PAX3: variants seen among roughly 807,000 people sequenced by gnomAD.
PAX3 encodes paired box 3.
Under a neutral mutation model 51.6 loss-of-function variants are expected in PAX3, and 14 were observed. That is an observed-to-expected ratio of 0.27 (90% CI 0.18 to 0.42). The LOEUF is 0.42. Among genes scored for constraint, PAX3 ranks in the 10% least tolerant of loss-of-function variants. The pLI is 1.00. For synonymous variants in PAX3, 280 were observed against 253.4 expected (o/e 1.11, Z -1.00); for missense variants, 540 against 642.8 (o/e 0.84, Z 1.73).
intron 4 of PAX3, among the ~76,000 whole-genome samples, chr2:222,279,988 A>C (rs1359213815): frequency 6.6e-6 from 1 of 152,156 alleles, no homozygotes; most frequent in Non-Finnish European, 1.5e-5. Flanking sequence ...AGGTGGGTGG[A>C]TCACCTGATG....
chr2:222,207,043 G>GT (rs1219560659), intron 7 of PAX3, among the ~76,000 whole-genome samples: 1 of 151,980 alleles, frequency 6.6e-6, no homozygotes. Flanking sequence ...GACATAAAGA[G>GT]TTTTTTTATT....
At chr2:222,293,632 C>T in intron 4 of PAX3, 2 of 1,613,600 alleles carry the variant, frequency 1.2e-6, no homozygotes, top group South Asian at 2.2e-5. Flanking sequence ...CAAATCAAAC[C>T]AGTCAACACA....
intron 1 of PAX3, chr2:222,298,106 CAA>C (rs3835977): frequency 3.3e-3 from 543 of 162,850 alleles, no homozygotes; most frequent in Middle Eastern, 0.012. Flanking sequence ...CTTTGCAGGG[CAA>C]AAAAAAAAAA....
At chr2:222,291,379 A>C (rs1010985706) in intron 4 of PAX3, among the ~76,000 whole-genome samples, 1 of 152,158 alleles carries the variant, frequency 6.6e-6, no homozygotes, top group Non-Finnish European at 1.5e-5. Flanking sequence ...AGGGTGCATC[A>C]TGCTTAGCGC....
intron 4 of PAX3, among the ~76,000 whole-genome samples, chr2:222,268,757 TC>T: frequency 6.6e-6 from 1 of 152,286 alleles, no homozygotes. Context: ...TAAGAGTTGT[TC>T]CAGGAGAGAT....
At position 222,282,018 on chromosome 2, in the gene PAX3, G is replaced by C. The variant is rs564021091; in HGVS notation, c.586+12149C>G. On this transcript the variant is annotated intron_variant, in intron 4 of 8. Coordinates refer to ENST00000392070, the MANE Select transcript of PAX3 (RefSeq NM_181458.4). ...CATTCCGGGCCTGGCAGCAAGAACA[G>C]TCAAGAAAGAAGACGTGTTTTTGGT... Among the ~76,000 whole-genome samples, 30 of 152,306 alleles carry C rather than the reference G, an allele frequency of 2.0e-4. 1 individual carries two copies. In the East Asian group the frequency reaches 5.4e-3, roughly 27 times the overall value.
In PAX3 at chr2:222,200,918, G is replaced by A; in HGVS notation, c.*490C>T. ...TTCCTCCATTCTTGCTTCATGAAAT[G>A]AGCAGTTTTAAAGTTGTAGAAGTAT... On this transcript the variant is annotated 3_prime_UTR_variant, in exon 9 of 9. Coordinates refer to ENST00000392070, the MANE Select transcript of PAX3 (RefSeq NM_181458.4). 2 of 534,628 alleles carry A rather than the reference G, an allele frequency of 3.7e-6. No individual in the cohort carries two copies. Among genetic ancestry groups the A allele is most frequent in the South Asian group, 2.3e-5 (1 of 42,604 alleles). The allele number at this position is 534,628 out of a possible 1,614,324, so 33.1% of individuals were successfully genotyped here. A position where few individuals can be genotyped will look rare whatever the true frequency, so the allele number is the denominator to read the frequency against.
intron 7 of PAX3, among the ~76,000 whole-genome samples, chr2:222,208,594 G>A (rs1306777771): frequency 6.6e-6 from 1 of 152,078 alleles, no homozygotes; most frequent in African/African-American, 2.4e-5. Flanking sequence ...TTTCTGGGAG[G>A]AATGACATTA....
chr2:222,236,488 T>C (rs529706055), intron 4 of PAX3, among the ~76,000 whole-genome samples: 4 of 152,294 alleles, frequency 2.6e-5, no homozygotes, highest in African/African-American at 7.2e-5. Flanking sequence ...TTTTACATAC[T>C]CAGTTTTACT....
intron 2 of PAX3, 82 bp from the exon 3 acceptor site, chr2:222,295,739 G>C: frequency 2.7e-6 from 4 of 1,491,148 alleles, no homozygotes; most frequent in African/African-American, 1.4e-5. Flanking sequence ...TGGGCCTGTC[G>C]GGATGCTCCT....
At chr2:222,280,679 A>G (rs1694615732) in intron 4 of PAX3, among the ~76,000 whole-genome samples, 1 of 152,168 alleles carries the variant, frequency 6.6e-6, no homozygotes, top group East Asian at 1.9e-4. Flanking sequence ...ACCAGCTGAT[A>G]CTTTCCATAG....
rs2106034174 is a variant in PAX3, at chr2:222,202,179, G to A, written c.1185C>T (p.Leu395=). ...GAGGTACCCCACCGTGGTTGGTCAG[G>A]AGTCCCATTACCTAAAAAAACAGCC... ...GNGLSPQVMG[L]LTNHGGVPHQ... Residue 395 remains leucine (L), a synonymous_variant, in exon 8 of 9, where the codon CTC becomes CTT. Transcript: ENST00000392070. 2.5e-6 allele frequency: 4 copies of A among 1,595,834 alleles called. No homozygotes were observed. The East Asian group carries it at 9.1e-5, about 36-fold the overall frequency.
At position 222,220,197 on chromosome 2, in the gene PAX3, A is replaced by T. The variant is rs770424826; in HGVS notation, c.1116T>A (p.Pro372=). ...TCATGGGGTTGGAGGGCCCCGACGGAGGCACAAAGCTGTCTGTATAGCTGG... is the reference window on the plus strand; with the variant it reads ...TCATGGGGTTGGAGGGCCCCGACGGTGGCACAAAGCTGTCTGTATAGCTGG... ...GFSSYTDSFV[P]PSGPSNPMNP... Residue 372 remains proline (P), a synonymous_variant, in exon 7 of 9, where the codon CCT becomes CCA. Transcript: ENST00000392070. 2.1e-5 allele frequency: 34 copies of T among 1,613,806 alleles called. No homozygotes were observed. The South Asian group carries it at 3.7e-4, about 18-fold the overall frequency.
At position 222,201,167 on chromosome 2, in the gene PAX3, T is replaced by C. The variant is rs1559248379; in HGVS notation, c.*241A>G. 1 of 1,613,914 alleles carries C rather than the reference T, an allele frequency of 6.2e-7. No individual in the cohort carries two copies. The highest frequency in any genetic ancestry group is 8.5e-7 in the Non-Finnish European group (1 of 1,179,934). ...AAACCATTGCCTTAAAATGTTGCAT[T>C]TGTCTTTTATTGCTCCAGGTCTTCC... On this transcript the variant is annotated 3_prime_UTR_variant, in exon 9 of 9. Transcript: ENST00000392070.
At chr2:222,239,127 A>G (rs1387278346) in intron 4 of PAX3, among the ~76,000 whole-genome samples, 2 of 152,052 alleles carry the variant, frequency 1.3e-5, no homozygotes, top group Non-Finnish European at 2.9e-5. Context: ...GATCTTTGGG[A>G]TTTTTGTTGA....
intron 5 of PAX3, among the ~76,000 whole-genome samples, chr2:222,227,125 A>C (rs1692413808): frequency 6.6e-6 from 1 of 152,138 alleles, no homozygotes. Context: ...TAACTTGCTC[A>C]ACAAAACACA....
chr2:222,222,431 TC>T (rs1692230412), intron 5 of PAX3, among the ~76,000 whole-genome samples: 1 of 151,228 alleles, frequency 6.6e-6, no homozygotes, highest in African/African-American at 2.4e-5. Context: ...TTTGAGACAG[TC>T]TTGCTCTGTC....
At chr2:222,231,142 T>A (rs1692578431) in intron 5 of PAX3, among the ~76,000 whole-genome samples, 1 of 151,976 alleles carries the variant, frequency 6.6e-6, no homozygotes, top group Non-Finnish European at 1.5e-5. Context: ...AATAGGAGAG[T>A]TAATTAGCTG....
At chr2:222,269,686 C>T (rs6710270) in intron 4 of PAX3, among the ~76,000 whole-genome samples, 78 of 151,122 alleles carry the variant, frequency 5.2e-4, no homozygotes, top group Non-Finnish European at 1.0e-3. Flanking sequence ...ACTTAATCAG[C>T]AAATCCCTTC....
Sources: allele counts gnomAD v4.1 joint callset (sites outside exome capture counted in the v4.1 genomes callset), GRCh38; gene constraint gnomAD v4.1.1; transcripts MANE v1.5; gene names NCBI Gene and HGNC (gene_info 2026-07-23, HGNC 2026-07-21).